The following MEIS1 variants were observed in gnomAD, a reference collection of about 807,000 sequenced individuals.
MEIS1 encodes homeobox protein Meis1.
MEIS1 carries 5 observed loss-of-function variants against 50.8 expected under a neutral mutation model. That is an observed-to-expected ratio of 0.10 (90% CI 0.05 to 0.21). The LOEUF is 0.21. MEIS1 is among the 10% of genes least tolerant of loss of function. MEIS1 has a pLI of 1.00. For synonymous variants in MEIS1, 176 were observed against 179.3 expected (o/e 0.98, Z 0.15); for missense variants, 318 against 517.3 (o/e 0.61, Z 3.74).
At chr2:66,568,633 T>A in intron 10 of MEIS1, 34 bp from the exon 11 acceptor site, 2 of 1,534,502 alleles carry the variant, frequency 1.3e-6, no homozygotes, top group Non-Finnish European at 1.8e-6. Context: ...TCTCAGAGAC[T>A]GTTATTAAAA....
intron 7 of MEIS1, among the ~76,000 whole-genome samples, chr2:66,475,436 T>C (rs1672872252): frequency 6.6e-6 from 1 of 151,014 alleles, no homozygotes; most frequent in South Asian, 2.1e-4. Flanking sequence ...TAGTATACAA[T>C]AGGATAAAAA....
intron 8 of MEIS1, among the ~76,000 whole-genome samples, chr2:66,536,937 G>T (rs1182210818): frequency 6.6e-6 from 1 of 152,078 alleles, no homozygotes; most frequent in East Asian, 1.9e-4. Flanking sequence ...TACAAAGGGG[G>T]GAAATCATTA....
intron 7 of MEIS1, among the ~76,000 whole-genome samples, chr2:66,508,454 A>G (rs898698193): frequency 2.0e-5 from 3 of 152,312 alleles, no homozygotes; most frequent in African/African-American, 4.8e-5. Context: ...TTTCACTTCA[A>G]TGAGGGGGAA....
intron 7 of MEIS1, among the ~76,000 whole-genome samples, chr2:66,476,720 G>A (rs989201508): frequency 1.3e-5 from 2 of 152,114 alleles, no homozygotes; most frequent in Admixed American, 6.5e-5. Flanking sequence ...CCTTGTCACG[G>A]GGCCTGAAAG....
At chr2:66,449,752 A>G (rs889737779) in intron 6 of MEIS1, among the ~76,000 whole-genome samples, 8 of 152,192 alleles carry the variant, frequency 5.3e-5, no homozygotes, top group African/African-American at 1.9e-4. Flanking sequence ...AATTTACTAG[A>G]CTTTCTTCAA....
chr2:66,456,396 G>A (rs540524894), intron 6 of MEIS1, among the ~76,000 whole-genome samples: 21 of 152,268 alleles, frequency 1.4e-4, no homozygotes, highest in African/African-American at 4.3e-4. Context: ...AGTGCAAGAC[G>A]TAAGAGATGA....
At chr2:66,460,787 C>T (rs1336478326) in intron 6 of MEIS1, among the ~76,000 whole-genome samples, 2 of 151,922 alleles carry the variant, frequency 1.3e-5, no homozygotes, top group East Asian at 3.9e-4. Flanking sequence ...TTTGTCTAGC[C>T]CTGTGAACAT....
At chr2:66,450,518 G>A (rs911065136) in intron 6 of MEIS1, among the ~76,000 whole-genome samples, 1 of 152,068 alleles carries the variant, frequency 6.6e-6, no homozygotes, top group Admixed American at 6.5e-5. Flanking sequence ...ATAAGTTTAC[G>A]AAGTGAAATT....
chr2:66,509,269 C>T (rs1392472841), intron 7 of MEIS1: 1 of 310,160 alleles, frequency 3.2e-6, no homozygotes, highest in African/African-American at 2.3e-5. Context: ...ATGCTCTTCT[C>T]CTTCCCCATC....
intron 6 of MEIS1, among the ~76,000 whole-genome samples, chr2:66,457,793 C>A (rs1455314789): frequency 6.6e-6 from 1 of 152,166 alleles, no homozygotes; most frequent in Non-Finnish European, 1.5e-5. Context: ...CATGGGCAAG[C>A]CTGCCAGTGT....
In MEIS1 at chr2:66,571,491, A is replaced by T; in HGVS notation, c.*283A>T. 1.3e-6 allele frequency: 2 copies of T among 1,585,248 alleles called. No individual in the cohort carries two copies. Reference sequence around the variant, plus strand: ...CACAGTTCTTAATACAGGAGACCCAACAATGAGTGGACAAGTCATGGACAT... The same window carrying T: ...CACAGTTCTTAATACAGGAGACCCATCAATGAGTGGACAAGTCATGGACAT... On this transcript the variant is annotated 3_prime_UTR_variant, in exon 13 of 13. Coordinates refer to ENST00000272369, the MANE Select transcript of MEIS1 (RefSeq NM_002398.3).
intron 8 of MEIS1, among the ~76,000 whole-genome samples, chr2:66,519,514 C>G (rs1306696503): frequency 6.6e-6 from 1 of 152,070 alleles, no homozygotes; most frequent in Admixed American, 6.5e-5. Context: ...GATAAGGCAT[C>G]TCTTTCTTGG....
intron 8 of MEIS1, among the ~76,000 whole-genome samples, chr2:66,532,262 AAG>A (rs1674411151): frequency 2.6e-5 from 4 of 152,190 alleles, no homozygotes. Flanking sequence ...AACAGGGAAA[AAG>A]AGGTCTATGC....
chr2:66,504,354 C>T (rs1353960591), intron 7 of MEIS1, among the ~76,000 whole-genome samples: 1 of 152,126 alleles, frequency 6.6e-6, no homozygotes, highest in African/African-American at 2.4e-5. Context: ...CTGCCTCAGC[C>T]TCCCGAGTAG....
At chr2:66,502,775 C>T (rs1673588029) in intron 7 of MEIS1, among the ~76,000 whole-genome samples, 1 of 152,134 alleles carries the variant, frequency 6.6e-6, no homozygotes, top group Non-Finnish European at 1.5e-5. Context: ...AGGGCAATTG[C>T]ACATAGTTTA....
At chr2:66,442,269 G>A (rs1021057672) in intron 5 of MEIS1, among the ~76,000 whole-genome samples, 5 of 46,402 alleles carry the variant, frequency 1.1e-4, no homozygotes, top group Non-Finnish European at 2.5e-4. Context: ...TCTCCTTTTT[G>A]TAAAAAAAAA....
chr2:66,541,842 C>T lies in MEIS1; in HGVS notation c.889-6101C>T, dbSNP rs191440748. On this transcript the variant is annotated intron_variant, in intron 8 of 12. Coordinates refer to ENST00000272369, the MANE Select transcript of MEIS1 (RefSeq NM_002398.3). ...ATTCAGGCTATGTTCTGCGACTGCA[C>T]GGTGCACTGCTTTTGTAATGCAAAT... Among the ~76,000 whole-genome samples, 18 of 152,280 alleles carry T rather than the reference C, an allele frequency of 1.2e-4. No individual in the cohort carries two copies. The East Asian group carries it at 1.9e-3, about 16-fold the overall frequency.
chr2:66,449,235 G>C (rs11126079), intron 6 of MEIS1, among the ~76,000 whole-genome samples: 99,948 of 151,926 alleles, frequency 0.66, 33,335 homozygotes, highest in South Asian at 0.73. Flanking sequence ...TTCTTACTAA[G>C]CAGGAAATAT....
chr2:66,495,747 G>T (rs187885963), intron 7 of MEIS1, among the ~76,000 whole-genome samples: 2 of 152,300 alleles, frequency 1.3e-5, no homozygotes, highest in Admixed American at 1.3e-4. Flanking sequence ...AGGAGGCTGA[G>T]ACAGGGCAGA....
Sources: allele counts gnomAD v4.1 joint callset (sites outside exome capture counted in the v4.1 genomes callset), GRCh38; gene constraint gnomAD v4.1.1; transcripts MANE v1.5; gene names NCBI Gene and HGNC (gene_info 2026-07-23, HGNC 2026-07-21).